The following HCN1 variants were observed in gnomAD, a reference collection of about 807,000 sequenced individuals.
HCN1 encodes hyperpolarization activated cyclic nucleotide gated potassium channel 1.
A neutral mutation model predicts 78.9 loss-of-function variants in HCN1; 13 were observed. That is an observed-to-expected ratio of 0.16 (90% CI 0.11 to 0.26). The LOEUF (loss-of-function observed/expected upper bound fraction) is 0.26. Among genes scored for constraint, HCN1 ranks in the 10% least tolerant of loss-of-function variants. HCN1 has a pLI of 1.00. For synonymous variants in HCN1, 552 were observed against 455.5 expected (o/e 1.21, Z -2.70); for missense variants, 810 against 1,154.3 (o/e 0.70, Z 4.32).
At chr5:45,595,202 G>A (rs750433778) in intron 2 of HCN1, among the ~76,000 whole-genome samples, 1 of 152,160 alleles carries the variant, frequency 6.6e-6, no homozygotes, top group Non-Finnish European at 1.5e-5. Flanking sequence ...AAGCTGTCAA[G>A]ACCAGTCATG....
chr5:45,506,622 C>T (rs944003361), intron 2 of HCN1, among the ~76,000 whole-genome samples: 22 of 151,840 alleles, frequency 1.4e-4, no homozygotes, highest in African/African-American at 4.8e-4. Context: ...AGGAAATTAC[C>T]ACTCGGATGT....
At chr5:45,540,681 G>A (rs1156758674) in intron 2 of HCN1, among the ~76,000 whole-genome samples, 2 of 151,998 alleles carry the variant, frequency 1.3e-5, no homozygotes, top group African/African-American at 4.8e-5. Flanking sequence ...TTATTTCCAT[G>A]TATTTCATAA....
At chr5:45,590,934 C>A (rs1744346950) in intron 2 of HCN1, among the ~76,000 whole-genome samples, 1 of 152,076 alleles carries the variant, frequency 6.6e-6, no homozygotes, top group African/African-American at 2.4e-5. Flanking sequence ...TGGGCTCAAA[C>A]AATCCTCCCA....
chr5:45,264,040 G>T (rs778486961), intron 7 of HCN1, among the ~76,000 whole-genome samples: 25 of 152,156 alleles, frequency 1.6e-4, no homozygotes, highest in African/African-American at 5.5e-4. Flanking sequence ...TGATCCACCC[G>T]CCTCGGCCTC....
At chr5:45,352,916 A>C (rs1746941617) in intron 5 of HCN1, among the ~76,000 whole-genome samples, 184 bp downstream of exon 5, 1 of 152,088 alleles carries the variant, frequency 6.6e-6, no homozygotes, top group African/African-American at 2.4e-5. Context: ...TAAATAGAAC[A>C]ATTTTCCAAT....
intron 1 of HCN1, chr5:45,694,978 C>T (rs1739976988): frequency 6.6e-6 from 1 of 152,208 alleles, no homozygotes; most frequent in Non-Finnish European, 1.5e-5. Context: ...TCAACGCCCC[C>T]TCTCTCTGTT....
At chr5:45,447,252 C>A (rs1434365435) in intron 3 of HCN1, among the ~76,000 whole-genome samples, 1 of 151,596 alleles carries the variant, frequency 6.6e-6, no homozygotes, top group Admixed American at 6.6e-5. Flanking sequence ...TCTTTTTTTT[C>A]TTTTTGAGAC....
At chr5:45,346,888 C>A (rs1746729317) in intron 5 of HCN1, among the ~76,000 whole-genome samples, 1 of 152,226 alleles carries the variant, frequency 6.6e-6, no homozygotes, top group Non-Finnish European at 1.5e-5. Context: ...GAGCCCACCA[C>A]AGCTCAAGGA....
chr5:45,404,007 T>C (rs1438878051), intron 3 of HCN1, among the ~76,000 whole-genome samples: 1 of 152,180 alleles, frequency 6.6e-6, no homozygotes, highest in Admixed American at 6.6e-5. Context: ...CTCTCATTTT[T>C]ATAAGCCTAC....
intron 5 of HCN1, among the ~76,000 whole-genome samples, chr5:45,323,605 T>A (rs1412629301): frequency 6.6e-6 from 1 of 152,078 alleles, no homozygotes; most frequent in South Asian, 2.1e-4. Context: ...ACAGTACATA[T>A]GCACAACGTG....
chr5:45,528,983 T>A (rs1742790333), intron 2 of HCN1, among the ~76,000 whole-genome samples: 1 of 152,000 alleles, frequency 6.6e-6, no homozygotes, highest in Non-Finnish European at 1.5e-5. Context: ...GCAAGAAATA[T>A]CCTACTCTTA....
chr5:45,322,707 T>C (rs2111938447), intron 5 of HCN1, among the ~76,000 whole-genome samples: 1 of 151,998 alleles, frequency 6.6e-6, no homozygotes, highest in Non-Finnish European at 1.5e-5. Flanking sequence ...ATTTTTCACT[T>C]GTGGCATCCT....
intron 3 of HCN1, among the ~76,000 whole-genome samples, chr5:45,447,376 G>A (rs1164096428): frequency 6.6e-6 from 1 of 152,150 alleles, no homozygotes; most frequent in African/African-American, 2.4e-5. Context: ...TTGAGTAGCT[G>A]AGACTACAGG....
At chr5:45,560,201 C>T (rs1743566823) in intron 2 of HCN1, among the ~76,000 whole-genome samples, 1 of 152,082 alleles carries the variant, frequency 6.6e-6, no homozygotes, top group African/African-American at 2.4e-5. Flanking sequence ...TTGCAGTGGT[C>T]TGGAACCAAA....
At chr5:45,332,037 T>G (rs1177548677) in intron 5 of HCN1, among the ~76,000 whole-genome samples, 1 of 151,508 alleles carries the variant, frequency 6.6e-6, no homozygotes, top group Non-Finnish European at 1.5e-5. Context: ...GCTAGACAAA[T>G]GTAGTATACA....
chr5:45,685,638 G>A (rs1483606140), intron 1 of HCN1, among the ~76,000 whole-genome samples: 1 of 152,130 alleles, frequency 6.6e-6, no homozygotes, highest in African/African-American at 2.4e-5. Flanking sequence ...CTTAAACACA[G>A]GAGGCAGAGG....
intron 4 of HCN1, among the ~76,000 whole-genome samples, chr5:45,392,555 G>C (rs570685961): frequency 6.6e-6 from 1 of 151,946 alleles, no homozygotes; most frequent in African/African-American, 2.4e-5. Flanking sequence ...ATCATATATA[G>C]GCCAGGCACG....
rs1394920889 is a variant in HCN1 at position 45,262,402 on chromosome 5, T to C, written c.2192A>G (p.Gln731Arg). The C allele has an allele frequency of 6.2e-7, 1 of 1,611,726 alleles. No homozygotes were observed. Among genetic ancestry groups the C allele is most frequent in the Admixed American group, 1.7e-5 (1 of 60,002 alleles). Residue 731 changes from glutamine to arginine, a missense_variant, in exon 8 of 8, where the codon CAA (glutamine) becomes CGA (arginine). By Grantham distance (43) the Gln-to-Arg change is conservative. Around this residue, in one of 6 missense-constraint regions of HCN1, gnomAD observed 398 missense variants for 381.3 expected, o/e 1.04. Transcript: ENST00000303230. ...SPTASQLSLM[Q>R]QQPQQQVQQS... ...CTGTACCTGCTGCTGCGGCTGCTGT[T>C]GCATGAGTGACAGCTGGGAGGCGGT...
At chr5:45,460,736 G>C (rs1405377071) in intron 3 of HCN1, among the ~76,000 whole-genome samples, 1 of 149,080 alleles carries the variant, frequency 6.7e-6, no homozygotes, top group Non-Finnish European at 1.5e-5. Flanking sequence ...GAGGACAATA[G>C]GGAAGAAGAT....
Sources: gnomAD v4.1 joint callset for allele counts (sites outside exome capture counted in the v4.1 genomes callset) on GRCh38, gnomAD v4.1.1 for gene constraint, gnomAD v4.1.1 regional missense constraint, MANE v1.5 for transcripts, NCBI Gene and HGNC (gene_info 2026-07-23, HGNC 2026-07-21) for gene names.